The following RLN2 variants were observed in gnomAD, a reference collection of about 807,000 sequenced individuals.
The protein encoded by RLN2 is prorelaxin H2.
RLN2 carries 10 observed loss-of-function variants against 7.3 expected under a neutral mutation model. The ratio of observed to expected loss-of-function variants is 1.36; its 90% confidence interval spans 0.84 to 2.31. The LOEUF is 2.31. Ranked by LOEUF, RLN2 falls within the 30% of genes most tolerant of loss-of-function variation. The probability of loss-of-function intolerance (pLI) is 0.00; values close to 1 mark genes in which losing one functional copy is unlikely to be tolerated. For synonymous variants in RLN2, 103 were observed against 82.3 expected (o/e 1.25, Z -1.36); for missense variants, 298 against 217.6 (o/e 1.37, Z -2.32).
At chr9:5,301,363 A>C (rs1047892565) in intron 1 of RLN2, among the ~76,000 whole-genome samples, 6 of 152,200 alleles carry the variant, frequency 3.9e-5, no homozygotes, top group African/African-American at 9.6e-5. Flanking sequence ...TTGAACATTC[A>C]TTACCTGTTT....
chr9:5,320,452 C>T, the RLN2 span, among the ~76,000 whole-genome samples: 4 of 151,916 alleles, frequency 2.6e-5, no homozygotes, highest in Admixed American at 2.0e-4. Context: ...CTCACTGCAA[C>T]CTCCACCTCT....
At chr9:5,306,961 T>C (rs77099537), upstream of RLN2, among the ~76,000 whole-genome samples, 6,641 of 152,146 alleles carry the variant, frequency 0.044, 385 homozygotes, top group African/African-American at 0.12. Flanking sequence ...AAAGCCTTTA[T>C]TTCCTGATTC....
chr9:5,316,604 C>G, the RLN2 span, among the ~76,000 whole-genome samples: 1 of 151,996 alleles, frequency 6.6e-6, no homozygotes, highest in African/African-American at 2.4e-5. Flanking sequence ...TCATCCATAT[C>G]CCTGCAAAGG....
At chr9:5,312,727 A>G in the RLN2 span, among the ~76,000 whole-genome samples, 1 of 151,870 alleles carries the variant, frequency 6.6e-6, no homozygotes, top group East Asian at 1.9e-4. Flanking sequence ...CTTGGAAAAA[A>G]AAAAAGAATT....
the RLN2 span, among the ~76,000 whole-genome samples, chr9:5,337,834 T>C: frequency 1.6e-4 from 25 of 152,170 alleles, 1 homozygote; most frequent in South Asian, 5.0e-3. Flanking sequence ...TGTAGCTAAA[T>C]ATCTATATAC....
upstream of RLN2, among the ~76,000 whole-genome samples, chr9:5,305,359 C>CA (rs1456945953): frequency 6.6e-5 from 8 of 121,898 alleles, no homozygotes; most frequent in East Asian, 1.8e-3. Flanking sequence ...GGAGAACATA[C>CA]CACACACACA....
At chr9:5,334,419 T>C in the RLN2 span, among the ~76,000 whole-genome samples, 4 of 152,072 alleles carry the variant, frequency 2.6e-5, no homozygotes, top group Non-Finnish European at 5.9e-5. Flanking sequence ...TGCATGTGTA[T>C]ATACATAGAT....
the RLN2 span, among the ~76,000 whole-genome samples, chr9:5,334,741 GA>G: frequency 6.6e-6 from 1 of 151,602 alleles, no homozygotes; most frequent in Non-Finnish European, 1.5e-5. Flanking sequence ...AATTAAAAAG[GA>G]AAAAAAATAC....
chr9:5,316,934 T>A, the RLN2 span, among the ~76,000 whole-genome samples: 1 of 152,078 alleles, frequency 6.6e-6, no homozygotes, highest in African/African-American at 2.4e-5. Flanking sequence ...AATTGTGAAA[T>A]CAAAAATATA....
chr9:5,326,012 C>G, the RLN2 span, among the ~76,000 whole-genome samples: 1 of 151,914 alleles, frequency 6.6e-6, no homozygotes, highest in East Asian at 1.9e-4. Context: ...TAAATTACCA[C>G]AGTTATAATG....
At chr9:5,311,915 C>T in the RLN2 span, among the ~76,000 whole-genome samples, 1,169 of 150,744 alleles carry the variant, frequency 7.8e-3, 16 homozygotes, top group South Asian at 0.02. Context: ...CATGCTGGTG[C>T]GCTGCACCCA....
chr9:5,304,525 A>G lies in RLN2; in HGVS notation c.56T>C (p.Phe19Ser). 1.2e-6 allele frequency: 2 copies of G among 1,613,824 alleles called. No homozygotes were observed. The highest frequency in any genetic ancestry group is 1.1e-5 in the South Asian group (1 of 91,050). ...LLGVCLLLNQFSRAVADSWME... is the reference protein window; with the variant it reads ...LLGVCLLLNQSSRAVADSWME... ...CCATGAGTCCGCGACTGCTCTGGAA[A>G]ATTGGTTCAGTAGTAAACAGACTCC... Residue 19 changes from phenylalanine (F) to serine (S), a missense_variant, in exon 1 of 2, where the codon TTT (phenylalanine) becomes TCT (serine). Transcript: ENST00000381627.
chr9:5,336,258 T>A, the RLN2 span, among the ~76,000 whole-genome samples: 1 of 152,076 alleles, frequency 6.6e-6, no homozygotes, highest in Non-Finnish European at 1.5e-5. Flanking sequence ...AAAAGATCAC[T>A]AACCAAAAAT....
At chr9:5,304,858 C>A (rs965435399), upstream of RLN2, 5 of 477,494 alleles carry the variant, frequency 1.0e-5, no homozygotes, top group Non-Finnish European at 1.9e-5. Flanking sequence ...TGTCCTTGGC[C>A]CTTTTACAGT....
At chr9:5,320,509 G>A in the RLN2 span, among the ~76,000 whole-genome samples, 3 of 151,232 alleles carry the variant, frequency 2.0e-5, no homozygotes, top group South Asian at 2.1e-4. Flanking sequence ...TAGCTGGAAC[G>A]ACAGGTGTGT....
chr9:5,324,996 G>A, the RLN2 span, among the ~76,000 whole-genome samples: 2 of 152,042 alleles, frequency 1.3e-5, no homozygotes, highest in Non-Finnish European at 2.9e-5. Flanking sequence ...TGTAGGAGAA[G>A]TGGGGTGTTG....
At chr9:5,320,032 C>G in the RLN2 span, among the ~76,000 whole-genome samples, 1 of 150,526 alleles carries the variant, frequency 6.6e-6, no homozygotes, top group African/African-American at 2.5e-5. Flanking sequence ...GTCACCCAGA[C>G]CAGAGTGAGG....
At chr9:5,315,608 A>G in the RLN2 span, among the ~76,000 whole-genome samples, 9 of 152,152 alleles carry the variant, frequency 5.9e-5, 1 homozygote, top group South Asian at 1.9e-3. Context: ...CAAAGTTCCT[A>G]AACAGATTGA....
chr9:5,335,303 T>C, the RLN2 span: 1 of 1,603,966 alleles, frequency 6.2e-7, no homozygotes, highest in Non-Finnish European at 8.5e-7. Flanking sequence ...GCAACATTTC[T>C]CAAACAGTGC....
Sources: gnomAD v4.1 joint callset for allele counts (sites outside exome capture counted in the v4.1 genomes callset) on GRCh38, gnomAD v4.1.1 for gene constraint, MANE v1.5 for transcripts, NCBI Gene and HGNC (gene_info 2026-07-23, HGNC 2026-07-21) for gene names.